SORCS3: variants seen among roughly 807,000 people sequenced by gnomAD.
SORCS3 encodes sortilin related VPS10 domain containing receptor 3.
SORCS3 carries 57 observed loss-of-function variants against 146.3 expected under a neutral mutation model. The ratio of observed to expected loss-of-function variants is 0.39; its 90% CI spans 0.31 to 0.49. The LOEUF (loss-of-function observed/expected upper bound fraction) is 0.49. SORCS3 is among the 20% of genes least tolerant of loss of function. The probability of loss-of-function intolerance (pLI) is 0.92; values close to 1 mark genes in which losing one functional copy is unlikely to be tolerated. For missense variants in SORCS3, 1,341 were observed against 1,575.5 expected (o/e 0.85, Z 2.52); for synonymous variants, 653 against 618.5 (o/e 1.06, Z -0.83).
chr10:104,738,643 C>T (rs1207480036), intron 1 of SORCS3, among the ~76,000 whole-genome samples: 1 of 152,068 alleles, frequency 6.6e-6, no homozygotes, highest in East Asian at 1.9e-4. Context: ...AGAATGGACG[C>T]ACGGGCTTTG....
chr10:104,746,281 TG>T (rs1369856850), intron 1 of SORCS3, among the ~76,000 whole-genome samples: 3 of 151,782 alleles, frequency 2.0e-5, no homozygotes, highest in African/African-American at 7.3e-5. Flanking sequence ...GGACTACAGG[TG>T]CCCGCCACTA....
intron 17 of SORCS3, among the ~76,000 whole-genome samples, chr10:105,211,589 C>A (rs894082974): frequency 6.6e-6 from 1 of 152,170 alleles, no homozygotes; most frequent in African/African-American, 2.4e-5. Flanking sequence ...GCAGATATTA[C>A]ACTACTCTCT....
intron 4 of SORCS3, among the ~76,000 whole-genome samples, chr10:104,982,551 G>A (rs1438640838): frequency 1.3e-5 from 2 of 152,018 alleles, no homozygotes; most frequent in African/African-American, 4.8e-5. Context: ...GGGACTGAAG[G>A]GCACTTTTCA....
intron 4 of SORCS3, among the ~76,000 whole-genome samples, chr10:105,018,873 T>C (rs1219425820): frequency 6.6e-6 from 1 of 152,168 alleles, no homozygotes. Flanking sequence ...TTAAAAATCA[T>C]CCACATCATC....
intron 15 of SORCS3, among the ~76,000 whole-genome samples, chr10:105,200,504 C>T (rs1269400611): frequency 6.6e-6 from 1 of 152,078 alleles, no homozygotes. Flanking sequence ...ATAAGGGACC[C>T]AGAGCACTGG....
intron 13 of SORCS3, among the ~76,000 whole-genome samples, chr10:105,174,621 G>A (rs953207361): frequency 6.6e-6 from 1 of 152,062 alleles, no homozygotes; most frequent in Non-Finnish European, 1.5e-5. Context: ...GATCGCCCTA[G>A]CTCTAGAGTC....
chr10:105,224,980 T>C (rs569995979), intron 20 of SORCS3, among the ~76,000 whole-genome samples: 1 of 152,186 alleles, frequency 6.6e-6, no homozygotes, highest in Non-Finnish European at 1.5e-5. Flanking sequence ...TATTATTGGA[T>C]AATCTTTTAT....
At chr10:104,870,832 G>C (rs185062587) in intron 2 of SORCS3, among the ~76,000 whole-genome samples, 1 of 152,098 alleles carries the variant, frequency 6.6e-6, no homozygotes, top group Non-Finnish European at 1.5e-5. Context: ...TGTCCCTCTC[G>C]GAAGGAATTT....
intron 5 of SORCS3, among the ~76,000 whole-genome samples, chr10:105,082,329 C>T (rs1223802594): frequency 6.6e-6 from 1 of 152,094 alleles, no homozygotes; most frequent in Non-Finnish European, 1.5e-5. Flanking sequence ...TTACTAGTTA[C>T]TTAACAAATG....
At chr10:104,691,181 T>C (rs190258512) in intron 1 of SORCS3, among the ~76,000 whole-genome samples, 28 of 152,216 alleles carry the variant, frequency 1.8e-4, no homozygotes, top group Middle Eastern at 3.4e-3. Flanking sequence ...AGCAACCAAA[T>C]GGAGGAATTC....
intron 2 of SORCS3, among the ~76,000 whole-genome samples, chr10:104,865,947 G>T (rs766918015): frequency 3.3e-5 from 5 of 152,160 alleles, no homozygotes; most frequent in Non-Finnish European, 7.3e-5. Flanking sequence ...GGCATGTAGG[G>T]GTCAGAGAAT....
chr10:105,045,038 A>AGAAAG (rs1425403516), intron 5 of SORCS3, among the ~76,000 whole-genome samples: 15 of 116,558 alleles, frequency 1.3e-4, no homozygotes, highest in African/African-American at 5.2e-4. Context: ...AAAAAAAAAA[A>AGAAAG]AAAGAAAGAA....
chr10:104,674,048 G>A (rs1412340849), intron 1 of SORCS3, among the ~76,000 whole-genome samples: 1 of 152,156 alleles, frequency 6.6e-6, no homozygotes, highest in Non-Finnish European at 1.5e-5. Flanking sequence ...TTACGCTGAT[G>A]TTACTCACCA....
chr10:104,912,027 CCA>C (rs1396165302), intron 2 of SORCS3, among the ~76,000 whole-genome samples: 1 of 152,144 alleles, frequency 6.6e-6, no homozygotes, highest in East Asian at 1.9e-4. Flanking sequence ...TAAAAAATTC[CCA>C]CTTTTCCTTT....
At chr10:105,135,265 G>A (rs894087638) in intron 7 of SORCS3, among the ~76,000 whole-genome samples, 1 of 152,094 alleles carries the variant, frequency 6.6e-6, no homozygotes, top group Non-Finnish European at 1.5e-5. Context: ...ACCAGAATGT[G>A]GCGATCAGAG....
intron 20 of SORCS3, among the ~76,000 whole-genome samples, chr10:105,225,115 A>G (rs2056726536): frequency 6.6e-6 from 1 of 151,988 alleles, no homozygotes; most frequent in African/African-American, 2.4e-5. Flanking sequence ...TCTTTTTTTC[A>G]TGAATCATGC....
intron 1 of SORCS3, among the ~76,000 whole-genome samples, chr10:104,743,940 C>T (rs576390010): frequency 9.2e-5 from 14 of 152,284 alleles, no homozygotes; most frequent in Middle Eastern, 6.8e-3. Context: ...TCATTAATAA[C>T]GATTATGATC....
chr10:104,726,142 T>C (rs1250878362), intron 1 of SORCS3, among the ~76,000 whole-genome samples: 1 of 152,202 alleles, frequency 6.6e-6, no homozygotes, highest in Non-Finnish European at 1.5e-5. Context: ...CATAGGTCTT[T>C]AAAGTAAACA....
chr10:104,678,071 G>A (rs2133262517), intron 1 of SORCS3, among the ~76,000 whole-genome samples: 1 of 152,210 alleles, frequency 6.6e-6, no homozygotes, highest in East Asian at 1.9e-4. Flanking sequence ...ATGTGTGCAT[G>A]GTCTGGCCTT....
Sources: allele counts gnomAD v4.1 joint callset (sites outside exome capture counted in the v4.1 genomes callset), GRCh38; gene constraint gnomAD v4.1.1; transcripts MANE v1.5; gene names NCBI Gene and HGNC (gene_info 2026-07-23, HGNC 2026-07-21).